The following DMD variants were observed in gnomAD, a reference collection of about 807,000 sequenced individuals.
DMD encodes mutant dystrophin.
In DMD, 63 loss-of-function variants were observed where a neutral mutation model predicts 330.1. The observed-to-expected ratio is 0.19, with a 90% CI of 0.16 to 0.24. The LOEUF (loss-of-function observed/expected upper bound fraction) is 0.24, where lower values mean the gene tolerates loss of function less well. DMD is among the 10% of genes least tolerant of loss of function. DMD has a pLI of 1.00. For synonymous variants in DMD, 1,223 were observed against 959.8 expected (o/e 1.27, Z -5.07); for missense variants, 3,344 against 2,684.1 (o/e 1.25, Z -5.43).
At chrX:33,009,518 A>G (rs778156232) in intron 2 of DMD, among the ~76,000 whole-genome samples, 1 of 89,893 alleles carries the variant, frequency 1.1e-5, no homozygotes, top group Non-Finnish European at 2.2e-5. Flanking sequence ...ATATACACAT[A>G]TGTGTGTATG....
intron 7 of DMD, among the ~76,000 whole-genome samples, chrX:32,783,098 G>A (rs1335198836): frequency 1.0e-5 from 1 of 96,779 alleles, no homozygotes; most frequent in Non-Finnish European, 2.0e-5. Context: ...CATATATGGT[G>A]TATATATACA....
intron 5 of DMD, among the ~76,000 whole-genome samples, chrX:32,820,221 C>T (rs1208839742): frequency 8.9e-6 from 1 of 112,038 alleles, no homozygotes; most frequent in Admixed American, 9.4e-5. Context: ...GGGCGGATCA[C>T]AAGGTCAGGA....
At chrX:31,706,673 CTA>C (rs772390356) in intron 52 of DMD, among the ~76,000 whole-genome samples, 6 of 111,794 alleles carry the variant, frequency 5.4e-5, no homozygotes, top group Non-Finnish European at 1.1e-4. Context: ...ATAAACGCAT[CTA>C]TGTTAGTCAC....
chrX:32,729,543 A>G (rs1353589211), intron 7 of DMD, among the ~76,000 whole-genome samples: 5 of 111,392 alleles, frequency 4.5e-5, no homozygotes, highest in African/African-American at 1.6e-4. Context: ...TATATGCTTC[A>G]ATGTCTTATC....
rs150538626 is a variant in DMD, at chrX:31,131,868, G to C, written c.11014+2234C>G. ...TCCACTTGAATTTGGGGAGAAAAAG[G>C]CCTGTAAGAAAGCCTGAGTTAGCTG... On this transcript the variant is annotated intron_variant, in intron 77 of 78. Coordinates refer to ENST00000357033, the MANE Select transcript of DMD (RefSeq NM_004006.3). Among the ~76,000 whole-genome samples, 462 of 111,937 alleles carry C rather than the reference G, an allele frequency of 4.1e-3. 1 individual carries two copies. The highest frequency in any genetic ancestry group is 0.014 in the African/African-American group (441 of 30,817).
chrX:33,207,824 C>A (rs2051668786), intron 1 of DMD, among the ~76,000 whole-genome samples: 1 of 111,347 alleles, frequency 9.0e-6, no homozygotes, highest in African/African-American at 3.3e-5. Context: ...CAGTATACTG[C>A]ATTGAGCACA....
At chrX:32,512,852 T>A (rs998336301) in intron 18 of DMD, among the ~76,000 whole-genome samples, 1 of 111,724 alleles carries the variant, frequency 9.0e-6, no homozygotes, top group South Asian at 3.8e-4. Flanking sequence ...TTGTGTTACA[T>A]GATAGGGGGC....
chrX:32,652,128 C>T (rs774677066), intron 9 of DMD, among the ~76,000 whole-genome samples: 1 of 111,187 alleles, frequency 9.0e-6, no homozygotes, highest in African/African-American at 3.3e-5. Flanking sequence ...GGTTCTAGAG[C>T]CAAAAACATT....
At chrX:31,835,588 A>C (rs2093177704) in intron 49 of DMD, among the ~76,000 whole-genome samples, 2 of 111,897 alleles carry the variant, frequency 1.8e-5, no homozygotes, top group South Asian at 7.5e-4. Context: ...TGATATCTAC[A>C]GAGAAACCTG....
At chrX:31,197,369 C>T (rs1197523153) in intron 67 of DMD, among the ~76,000 whole-genome samples, 1 of 112,120 alleles carries the variant, frequency 8.9e-6, no homozygotes, top group Non-Finnish European at 1.9e-5. Flanking sequence ...CAGGGGCATG[C>T]CACCATGCAT....
Position 31,121,755 on chromosome X carries a change from T to G in DMD, c.*164A>C. On this transcript the variant is annotated 3_prime_UTR_variant, in exon 79 of 79. Coordinates refer to ENST00000357033, the MANE Select transcript of DMD (RefSeq NM_004006.3). ...TTCACAAAAATATAGATTTATTTCT[T>G]GTAAACTCTTACTGTCTAATCCTCT... 1 of 755,411 alleles carries G rather than the reference T, an allele frequency of 1.3e-6. No individual in the cohort carries two copies. The highest frequency in any genetic ancestry group is 2.3e-5 in the Admixed American group (1 of 44,400). The allele number at this position is 755,411 out of a possible 1,213,427, so 62.3% of individuals were successfully genotyped here. A position where few individuals can be genotyped will look rare whatever the true frequency, so the allele number is the denominator to read the frequency against.
intron 2 of DMD, among the ~76,000 whole-genome samples, chrX:32,999,560 C>T (rs1172123947): frequency 1.6e-4 from 18 of 109,680 alleles, no homozygotes; most frequent in Non-Finnish European, 2.1e-4. Flanking sequence ...GGGCAGATCA[C>T]GAGGTCAGGA....
intron 11 of DMD, among the ~76,000 whole-genome samples, chrX:32,621,538 G>T (rs1381703881): frequency 2.8e-5 from 3 of 107,708 alleles, no homozygotes; most frequent in African/African-American, 1.0e-4. Flanking sequence ...TGCCCAGGCT[G>T]GTCTTCAACT....
At chrX:32,848,122 G>A (rs754868296) in intron 3 of DMD, among the ~76,000 whole-genome samples, 27 of 112,095 alleles carry the variant, frequency 2.4e-4, no homozygotes, top group African/African-American at 8.1e-4. Context: ...CAACACAGGA[G>A]AAGTGATCAC....
At chrX:31,538,916 T>A (rs956592656) in intron 55 of DMD, among the ~76,000 whole-genome samples, 1 of 111,191 alleles carries the variant, frequency 9.0e-6, no homozygotes, top group Non-Finnish European at 1.9e-5. Flanking sequence ...GGACGGCTCT[T>A]CATGGCAGTC....
At chrX:32,371,483 T>C (rs891250905) in intron 34 of DMD, among the ~76,000 whole-genome samples, 2 of 110,564 alleles carry the variant, frequency 1.8e-5, no homozygotes, top group Non-Finnish European at 3.8e-5. Context: ...GATGACACCA[T>C]GGATATTTAG....
In DMD at chrX:32,472,185, C is replaced by T. The variant is rs2148484778; in HGVS notation, c.2928G>A (p.Glu976=). The T allele has an allele frequency of 1.7e-6, 2 of 1,211,433 alleles. No individual in the cohort carries two copies. The highest frequency in any genetic ancestry group is 2.2e-6 in the Non-Finnish European group (2 of 895,256). Residue 976 remains glutamate (E), a synonymous_variant, in exon 22 of 79, where the codon GAG becomes GAA. Coordinates refer to ENST00000357033, the MANE Select transcript of DMD (RefSeq NM_004006.3). ...AGACCTGCAATTCCCCGAGTCTCTG[C>T]TCCATGATTTCATAGTCGGTGACAC... ...QLSVTDYEIM[E]QRLGELQALQ...
intron 60 of DMD, among the ~76,000 whole-genome samples, chrX:31,355,985 A>G (rs747403320): frequency 4.5e-5 from 5 of 111,557 alleles, no homozygotes; most frequent in Non-Finnish European, 5.6e-5. Flanking sequence ...TCTGGAATGA[A>G]GTTTTGTGAT....
At chrX:32,664,480 A>G (rs1400791677) in intron 9 of DMD, among the ~76,000 whole-genome samples, 1 of 109,882 alleles carries the variant, frequency 9.1e-6, no homozygotes, top group Admixed American at 9.7e-5. Flanking sequence ...TGACCTCGTG[A>G]TCCGCCCGCC....
Sources: gnomAD v4.1 joint callset for allele counts (sites outside exome capture counted in the v4.1 genomes callset) on GRCh38, gnomAD v4.1.1 for gene constraint, MANE v1.5 for transcripts, NCBI Gene and HGNC (gene_info 2026-07-23, HGNC 2026-07-21) for gene names.